Variants in SPATA6L observed in about 807,000 individuals in gnomAD.
SPATA6L encodes the protein spermatogenesis associated 6 like.
A neutral mutation model predicts 49.2 loss-of-function variants in SPATA6L; 68 were observed. That is an observed-to-expected ratio of 1.38 (90% CI 1.14 to 1.69). SPATA6L has a LOEUF of 1.69. Ranked by LOEUF, SPATA6L falls within the 40% of genes most tolerant of loss-of-function variation. The pLI is 0.00. For synonymous variants in SPATA6L, 198 were observed against 165.7 expected, an observed-to-expected ratio of 1.19 and a Z score of -1.50; for missense variants, 668 against 464.3, an observed-to-expected ratio of 1.44 and a Z score of -4.03.
At chr9:4,597,363 C>T (rs1586902678), downstream of SPATA6L, among the ~76,000 whole-genome samples, 2 of 118,808 alleles carry the variant, frequency 1.7e-5, no homozygotes, top group Non-Finnish European at 3.8e-5. Flanking sequence ...CACACACACA[C>T]ACACACGGTG....
At chr9:4,624,857 C>T (rs1368779551) in intron 6 of SPATA6L, among the ~76,000 whole-genome samples, 3 of 152,128 alleles carry the variant, frequency 2.0e-5, no homozygotes, top group Non-Finnish European at 4.4e-5. Context: ...AACATTGCTT[C>T]TTCCTACAAA....
chr9:4,591,512 G>A (rs1015477592), intron 13 of SPATA6L, among the ~76,000 whole-genome samples: 9 of 152,214 alleles, frequency 5.9e-5, no homozygotes, highest in Admixed American at 3.9e-4. Flanking sequence ...AATACCAGTC[G>A]GCGATAGAGG....
chr9:4,606,130 C>T (rs1564122944), intron 9 of SPATA6L, among the ~76,000 whole-genome samples: 1 of 151,772 alleles, frequency 6.6e-6, no homozygotes, highest in Non-Finnish European at 1.5e-5. Flanking sequence ...GCACCACCCA[C>T]CTGGCTCGGA....
At chr9:4,621,674 G>T (rs1829334291) in intron 7 of SPATA6L, among the ~76,000 whole-genome samples, 1 of 152,182 alleles carries the variant, frequency 6.6e-6, no homozygotes. Context: ...TTTTAGTAGA[G>T]ATGGGGTTTC....
At chr9:4,605,967 GC>G (rs1264526537) in intron 9 of SPATA6L, among the ~76,000 whole-genome samples, 1 of 152,182 alleles carries the variant, frequency 6.6e-6, no homozygotes, top group Non-Finnish European at 1.5e-5. Context: ...CCGTGCGCGA[GC>G]CGAAGCAGGG....
intron 3 of SPATA6L, among the ~76,000 whole-genome samples, chr9:4,648,181 A>C (rs1324681262): frequency 6.6e-6 from 1 of 152,152 alleles, no homozygotes. Flanking sequence ...CTAACTTTGT[A>C]GATTTACGAA....
intron 3 of SPATA6L, among the ~76,000 whole-genome samples, chr9:4,647,117 C>A: frequency 6.6e-6 from 1 of 150,568 alleles, no homozygotes; most frequent in South Asian, 2.1e-4. Flanking sequence ...AAAAAAGATG[C>A]AATATTTGTC....
intron 3 of SPATA6L, among the ~76,000 whole-genome samples, chr9:4,635,971 T>A (rs1031563129): frequency 1.3e-5 from 2 of 152,156 alleles, no homozygotes; most frequent in African/African-American, 2.4e-5. Context: ...TCACACTATC[T>A]CCCCCATCCC....
chr9:4,638,353 A>C (rs908131655), intron 3 of SPATA6L, among the ~76,000 whole-genome samples: 1 of 152,056 alleles, frequency 6.6e-6, no homozygotes, highest in Non-Finnish European at 1.5e-5. Flanking sequence ...CTGGGACTAG[A>C]GGCACCCCGC....
intron 9 of SPATA6L, among the ~76,000 whole-genome samples, chr9:4,605,923 C>A (rs1222159015): frequency 6.6e-6 from 1 of 152,198 alleles, no homozygotes; most frequent in Non-Finnish European, 1.5e-5. Context: ...CTAGGGAGTG[C>A]CAGACAGTGG....
At chr9:4,632,172 A>T (rs756110150) in intron 4 of SPATA6L, among the ~76,000 whole-genome samples, 1 of 149,918 alleles carries the variant, frequency 6.7e-6, no homozygotes, top group Non-Finnish European at 1.5e-5. Context: ...GGTGTGCACC[A>T]CCATGCTCAA....
chr9:4,627,799 A>G, intron 5 of SPATA6L: 1 of 1,289,388 alleles, frequency 7.8e-7, no homozygotes, highest in Non-Finnish European at 1.0e-6. Flanking sequence ...TCAGCAAAAG[A>G]AAGGTGGCCC....
chr9:4,625,812 A>C (rs1341189113), intron 5 of SPATA6L: 1 of 277,998 alleles, frequency 3.6e-6, no homozygotes, highest in Non-Finnish European at 6.6e-6. Context: ...ATTTATTTAT[A>C]ATAGGGGGAA....
At chr9:4,638,407 T>C (rs941710060) in intron 3 of SPATA6L, among the ~76,000 whole-genome samples, 1 of 152,112 alleles carries the variant, frequency 6.6e-6, no homozygotes, top group African/African-American at 2.4e-5. Flanking sequence ...GACACGGGGT[T>C]TCACCACGTT....
intron 3 of SPATA6L, among the ~76,000 whole-genome samples, chr9:4,638,383 T>C (rs146369062): frequency 1.4e-4 from 21 of 152,264 alleles, no homozygotes; most frequent in African/African-American, 5.1e-4. Context: ...TGGCTAATTT[T>C]TGTACTTTTA....
At chr9:4,664,544 C>G (rs751908383) in intron 1 of SPATA6L, 1 of 167,036 alleles carries the variant, frequency 6.0e-6, no homozygotes, top group African/African-American at 2.4e-5. Flanking sequence ...GACCACCAAA[C>G]GCAGGGTGGA....
intron 8 of SPATA6L, 126 bp downstream of exon 8, chr9:4,618,738 C>G: frequency 1.1e-6 from 1 of 914,472 alleles, no homozygotes; most frequent in Admixed American, 2.4e-5. Context: ...CATACAAACA[C>G]TAAACTACAG....
chr9:4,625,916 G>C (rs1208608546), intron 5 of SPATA6L: 3 of 168,184 alleles, frequency 1.8e-5, no homozygotes, highest in Non-Finnish European at 2.5e-5. Flanking sequence ...TGTATTATAA[G>C]GAAATAACTA....
chr9:4,607,616 G>T (rs1203574829), intron 9 of SPATA6L, among the ~76,000 whole-genome samples: 1 of 151,940 alleles, frequency 6.6e-6, no homozygotes, highest in Non-Finnish European at 1.5e-5. Context: ...TCACCACCAG[G>T]CCTGCCCTAA....
Sources: allele counts gnomAD v4.1 joint callset (sites outside exome capture counted in the v4.1 genomes callset), GRCh38; gene constraint gnomAD v4.1.1; transcripts MANE v1.5; gene names NCBI Gene and HGNC (gene_info 2026-07-23, HGNC 2026-07-21).